KIAA0513: variants seen among roughly 807,000 people sequenced by gnomAD.
KIAA0513 encodes KIAA0513.
Under a neutral mutation model 56.5 loss-of-function variants are expected in KIAA0513, and 39 were observed. The observed-to-expected ratio is 0.69, with a 90% CI of 0.53 to 0.90. The LOEUF (loss-of-function observed/expected upper bound fraction) is 0.90, where lower values mean the gene tolerates loss of function less well. Among genes scored for constraint, KIAA0513 ranks in the 40% least tolerant of loss-of-function variants. The pLI, the probability that KIAA0513 is intolerant of heterozygous loss-of-function variation, is 0.00. For missense variants in KIAA0513, 591 were observed against 535.2 expected (o/e 1.10, Z -1.03); for synonymous variants, 268 against 215.6 (o/e 1.24, Z -2.13).
chr16:85,075,703 T>C (rs1391303042), intron 4 of KIAA0513, 141 bp from the exon 5 acceptor site: 7 of 699,276 alleles, frequency 1.0e-5, no homozygotes, highest in Non-Finnish European at 1.0e-5. Context: ...TAATGGAACT[T>C]GGGGAGATTG....
intron 1 of KIAA0513, among the ~76,000 whole-genome samples, chr16:85,036,175 T>C (rs2073033819): frequency 6.6e-6 from 1 of 152,188 alleles, no homozygotes; most frequent in South Asian, 2.1e-4. Context: ...TAACAGCTTA[T>C]TGAGTATGTT....
rs1261722764 is a variant in KIAA0513, at chr16:85,078,459, A to G, written c.823+4A>G. 1 of 1,613,444 alleles carries G rather than the reference A, an allele frequency of 6.2e-7. No homozygotes were observed. Among genetic ancestry groups the G allele is most frequent in the Admixed American group, 1.7e-5 (1 of 60,026 alleles). Reference sequence around the variant, plus strand: ...CAGGAGAAGCGGCCCAGGGCTGGTGAGTCTGCCCAGGCAGCAGCAGGAGAC... The same window carrying G: ...CAGGAGAAGCGGCCCAGGGCTGGTGGGTCTGCCCAGGCAGCAGCAGGAGAC... On this transcript the variant is annotated splice_donor_region_variant and intron_variant, in intron 7 of 12. Coordinates refer to ENST00000683363, the MANE Select transcript of KIAA0513 (RefSeq NM_001388359.1).
rs1202539175 is a variant in KIAA0513 at position 85,072,764 on chromosome 16, C to T, written c.430-161C>T. On this transcript the variant is annotated intron_variant, in intron 3 of 12. Coordinates refer to ENST00000683363, the MANE Select transcript of KIAA0513 (RefSeq NM_001388359.1). ...GCAGGTGGCTACACTCTGCCCGGGT[C>T]CTGGCAGAAGGGGTGGGTTCTATAG... 3.6e-5 allele frequency: 7 copies of T among 193,022 alleles called. No homozygotes were observed. In the Admixed American group the frequency reaches 4.6e-4, roughly 13 times the overall value. 12.0% of individuals were successfully genotyped at this position (193,022 alleles called of 1,614,324 possible). A position where few individuals can be genotyped will look rare whatever the true frequency, so the allele number is the denominator to read the frequency against.
chr16:85,033,126 G>A (rs973716385), intron 1 of KIAA0513, among the ~76,000 whole-genome samples: 3 of 152,180 alleles, frequency 2.0e-5, no homozygotes, highest in South Asian at 2.1e-4. Flanking sequence ...GGATGTGGAC[G>A]TTTTTACGAG....
At chr16:85,033,989 C>A (rs1049040491) in intron 1 of KIAA0513, among the ~76,000 whole-genome samples, 3 of 152,128 alleles carry the variant, frequency 2.0e-5, no homozygotes, top group Admixed American at 6.6e-5. Context: ...TCCCCCTCAC[C>A]CCGTGGGCCA....
At chr16:85,039,535 T>C (rs28678014) in intron 1 of KIAA0513, among the ~76,000 whole-genome samples, 70,621 of 152,090 alleles carry the variant, frequency 0.46, 17,788 homozygotes, top group African/African-American at 0.67. Context: ...AATTCCTGGG[T>C]TCAAGCGATA....
rs372344398 is a variant in KIAA0513 at position 85,086,733 on chromosome 16, C to T, written c.1091+9C>T. 86 of 1,609,532 alleles carry T rather than the reference C, an allele frequency of 5.3e-5. No individual in the cohort carries two copies. The African/African-American group carries it at 1.1e-3, about 20-fold the overall frequency. On this transcript the variant is annotated intron_variant, in intron 11 of 12. Transcript: ENST00000683363. ...ACCTTCGGGCAGCTGGGGTAAGGGC[C>T]AGAGTGGGAAAGCGGGAGGGGAGAG...
At chr16:85,033,775 C>G (rs1047509117) in intron 1 of KIAA0513, among the ~76,000 whole-genome samples, 2 of 152,192 alleles carry the variant, frequency 1.3e-5, no homozygotes, top group African/African-American at 2.4e-5. Context: ...CACCCAGATA[C>G]TCAATATGCC....
rs1444167151 is a variant in KIAA0513, at chr16:85,088,258, C to T, written c.1187-18C>T. ...TCACTGTCTTTCATCTGAGAAATAA[C>T]ATCACTTTCTCTTCCAGAGCAATAC... On this transcript the variant is annotated intron_variant, in intron 12 of 12. Transcript: ENST00000683363. 6.2e-7 allele frequency: 1 copy of T among 1,609,834 alleles called. No individual in the cohort carries two copies. Among genetic ancestry groups the T allele is most frequent in the South Asian group, 1.1e-5 (1 of 91,032 alleles).
chr16:85,052,328 GCAACAACAA>G (rs58102316), intron 1 of KIAA0513, among the ~76,000 whole-genome samples: 1 of 151,032 alleles, frequency 6.6e-6, no homozygotes, highest in Non-Finnish European at 1.5e-5. Flanking sequence ...GTCTCAAAAA[GCAACAACAA>G]CAACAACAAT....
intron 1 of KIAA0513, among the ~76,000 whole-genome samples, chr16:85,062,820 C>T (rs768050181): frequency 2.0e-5 from 3 of 152,204 alleles, no homozygotes; most frequent in African/African-American, 2.4e-5. Context: ...ACCACCTCCT[C>T]TGTTTTCGCC....
chr16:85,073,132 C>A, intron 4 of KIAA0513, 134 bp downstream of exon 4: 1 of 766,946 alleles, frequency 1.3e-6, no homozygotes, highest in South Asian at 1.5e-5. Context: ...AGTTGCTCTG[C>A]TACGCCCAGC....
At chr16:85,047,586 T>A (rs1163780852) in intron 1 of KIAA0513, among the ~76,000 whole-genome samples, 1 of 152,186 alleles carries the variant, frequency 6.6e-6, no homozygotes, top group Non-Finnish European at 1.5e-5. Context: ...TTCAGACACC[T>A]GCAGGCTGAC....
At chr16:85,052,580 G>T (rs990048167) in intron 1 of KIAA0513, among the ~76,000 whole-genome samples, 1 of 152,178 alleles carries the variant, frequency 6.6e-6, no homozygotes, top group African/African-American at 2.4e-5. Context: ...TGGGCTTAAG[G>T]TTTCAGGATA....
At chr16:85,051,145 T>TA (rs974580364) in intron 1 of KIAA0513, among the ~76,000 whole-genome samples, 5 of 150,954 alleles carry the variant, frequency 3.3e-5, no homozygotes, top group Admixed American at 6.6e-5. Context: ...GACCCTGTCT[T>TA]AAAAAAAAAG....
In KIAA0513 at chr16:85,092,258, G is replaced by A. The variant is rs963650645; in HGVS notation, c.*3933G>A. On this transcript the variant is annotated 3_prime_UTR_variant, in exon 13 of 13. Transcript: ENST00000683363. ...CACACCTGCCTCTGTTGGCTTTTTA[G>A]TTAGGAAGGATCCAGCTAGGCCCGT... The A allele has an allele frequency of 1.3e-5, 2 of 152,190 alleles. No homozygotes were observed. Among genetic ancestry groups the A allele is most frequent in the Non-Finnish European group, 2.9e-5 (2 of 68,068 alleles). 9.4% of individuals were successfully genotyped at this position (152,190 alleles called of 1,614,324 possible). A position where few individuals can be genotyped will look rare whatever the true frequency, so the allele number is the denominator to read the frequency against.
At chr16:85,078,516 A>G in intron 7 of KIAA0513, 61 bp downstream of exon 7, 1 of 1,538,478 alleles carries the variant, frequency 6.5e-7, no homozygotes, top group Non-Finnish European at 8.9e-7. Flanking sequence ...CCAGCACACA[A>G]GCAGGTGCAC....
At position 85,073,006 on chromosome 16, in the gene KIAA0513, A is replaced by G; in HGVS notation, c.503+8A>G. On this transcript the variant is annotated splice_region_variant and intron_variant, in intron 4 of 12. Coordinates refer to ENST00000683363, the MANE Select transcript of KIAA0513 (RefSeq NM_001388359.1). Reference sequence around the variant, plus strand: ...TGCAGTGGTGCTGTTCGAGTAAGTAATGCCGTGGCACAAAGCCTTTGTCCT... The same window carrying G: ...TGCAGTGGTGCTGTTCGAGTAAGTAGTGCCGTGGCACAAAGCCTTTGTCCT... The G allele has an allele frequency of 6.2e-7, 1 of 1,612,168 alleles. No homozygotes were observed. Among genetic ancestry groups the G allele is most frequent in the Non-Finnish European group, 8.5e-7 (1 of 1,178,496 alleles).
chr16:85,074,502 TCTC>T (rs1178444341), intron 4 of KIAA0513, among the ~76,000 whole-genome samples: 1 of 152,154 alleles, frequency 6.6e-6, no homozygotes, highest in Non-Finnish European at 1.5e-5. Context: ...GAGTCCCAGT[TCTC>T]CTGCTTCATG....
Sources: allele counts gnomAD v4.1 joint callset (sites outside exome capture counted in the v4.1 genomes callset), GRCh38; gene constraint gnomAD v4.1.1; transcripts MANE v1.5; gene names NCBI Gene and HGNC (gene_info 2026-07-23, HGNC 2026-07-21).